The following PDE4B variants were observed in gnomAD, a reference collection of about 807,000 sequenced individuals.
PDE4B encodes phosphodiesterase 4B.
A neutral mutation model predicts 82.2 loss-of-function variants in PDE4B; 20 were observed. The observed-to-expected ratio is 0.24, with a 90% CI of 0.17 to 0.35. The LOEUF is 0.35. Among genes scored for constraint, PDE4B ranks in the 10% least tolerant of loss-of-function variants. The probability of loss-of-function intolerance (pLI) is 1.00; values close to 1 mark genes in which losing one functional copy is unlikely to be tolerated. For missense variants in PDE4B, 655 were observed against 907.2 expected (o/e 0.72, Z 3.57); for synonymous variants, 320 against 318.9 (o/e 1.00, Z -0.04).
intron 3 of PDE4B, among the ~76,000 whole-genome samples, chr1:66,165,567 A>G (rs1417643898): frequency 6.6e-6 from 1 of 152,216 alleles, no homozygotes; most frequent in Non-Finnish European, 1.5e-5. Flanking sequence ...TATAAGATCA[A>G]TACATACAAA....
intron 3 of PDE4B, among the ~76,000 whole-genome samples, chr1:66,227,881 G>T (rs1651581491): frequency 6.6e-6 from 1 of 152,118 alleles, no homozygotes; most frequent in Non-Finnish European, 1.5e-5. Flanking sequence ...CCTCATCTTA[G>T]TTGAGGACAT....
intron 1 of PDE4B, among the ~76,000 whole-genome samples, chr1:65,911,697 C>T (rs996036203): frequency 2.0e-5 from 3 of 152,112 alleles, no homozygotes; most frequent in African/African-American, 7.2e-5. Context: ...TAGTTCTAAT[C>T]ATTCTTTGGT....
chr1:65,937,409 G>T (rs2310754), intron 3 of PDE4B, among the ~76,000 whole-genome samples: 1 of 151,966 alleles, frequency 6.6e-6, no homozygotes, highest in African/African-American at 2.4e-5. Context: ...GTTGACAGTC[G>T]CATGAGGCTT....
Position 66,102,116 on chromosome 1 carries a change from C to T in PDE4B, c.282-145344C>T, listed in dbSNP as rs550382246. Among the ~76,000 whole-genome samples the T allele has an allele frequency of 5.3e-4, 80 of 152,172 alleles. 1 individual carries two copies. In the South Asian group the frequency reaches 0.016, roughly 31 times the overall value. ...TCCTTTCCCCATTTCTTGTTTTTGT[C>T]ATGTTTGCCAAAGACCAGTTGTTTG... On this transcript the variant is annotated intron_variant, in intron 3 of 16. Transcript: ENST00000341517.
intron 1 of PDE4B, among the ~76,000 whole-genome samples, chr1:65,904,023 G>T (rs1327855539): frequency 6.6e-6 from 1 of 152,146 alleles, no homozygotes; most frequent in Non-Finnish European, 1.5e-5. Context: ...TTCTGAGAAA[G>T]GAATGCACAG....
intron 3 of PDE4B, among the ~76,000 whole-genome samples, chr1:66,028,321 G>C (rs61796571): frequency 0.21 from 32,528 of 152,008 alleles, 4,034 homozygotes; most frequent in Middle Eastern, 0.37. Context: ...TGGGACACAG[G>C]GCACCAAGTA....
chr1:65,859,056 A>G (rs1238707450), intron 1 of PDE4B, among the ~76,000 whole-genome samples: 2 of 152,136 alleles, frequency 1.3e-5, no homozygotes, highest in African/African-American at 4.8e-5. Flanking sequence ...TCACCTTCAG[A>G]TATTTGTGTG....
At chr1:66,029,164 A>T (rs930823937) in intron 3 of PDE4B, among the ~76,000 whole-genome samples, 12 of 152,212 alleles carry the variant, frequency 7.9e-5, no homozygotes, top group African/African-American at 2.9e-4. Context: ...GGTGAAAGGC[A>T]CTTCTTACAT....
At chr1:65,993,243 A>C in intron 3 of PDE4B, 1 of 829,016 alleles carries the variant, frequency 1.2e-6, no homozygotes, top group South Asian at 1.8e-5. Flanking sequence ...TTTTGTTCCT[A>C]AAACATACTG....
chr1:65,889,782 A>T (rs1254569993), intron 1 of PDE4B, among the ~76,000 whole-genome samples: 1 of 152,130 alleles, frequency 6.6e-6, no homozygotes, highest in Non-Finnish European at 1.5e-5. Flanking sequence ...TTTGCTAACA[A>T]GCTTCCTTTG....
chr1:66,371,533 C>T (rs1474613760), intron 16 of PDE4B, among the ~76,000 whole-genome samples: 1 of 152,178 alleles, frequency 6.6e-6, no homozygotes. Flanking sequence ...ATCACAGGAA[C>T]ATCAGCAAAA....
chr1:65,900,122 G>C (rs1459713882), intron 1 of PDE4B, among the ~76,000 whole-genome samples: 1 of 152,062 alleles, frequency 6.6e-6, no homozygotes. Flanking sequence ...AATCAACCTT[G>C]AGAAAATTTT....
At position 65,929,662 on chromosome 1, in the gene PDE4B, T is replaced by C. The variant is rs983684320; in HGVS notation, c.281+10827T>C. 6.6e-5 allele frequency among the ~76,000 whole-genome samples: 10 copies of C among 152,322 alleles called. No homozygotes were observed. In the East Asian group the frequency reaches 1.9e-3, roughly 29 times the overall value. ...TTTATCATTTTCTTTCATCACTTTG[T>C]CCACTGAACTTAGGCGCAACCAATC... On this transcript the variant is annotated intron_variant, in intron 3 of 16. Transcript: ENST00000341517.
chr1:66,274,028 CTT>C (rs1353095797), intron 7 of PDE4B, among the ~76,000 whole-genome samples: 23 of 152,336 alleles, frequency 1.5e-4, no homozygotes, highest in African/African-American at 5.5e-4. Flanking sequence ...ATATTGTTCT[CTT>C]AGTGCCTGGC....
intron 1 of PDE4B, among the ~76,000 whole-genome samples, chr1:65,825,390 C>T (rs750889714): frequency 6.6e-6 from 1 of 152,176 alleles, no homozygotes; most frequent in African/African-American, 2.4e-5. Flanking sequence ...GGAATGAACC[C>T]TGGAAATACT....
intron 3 of PDE4B, among the ~76,000 whole-genome samples, chr1:65,936,001 T>C (rs1298140934): frequency 6.6e-6 from 1 of 152,156 alleles, no homozygotes; most frequent in Non-Finnish European, 1.5e-5. Context: ...TGCATAAAGA[T>C]ATTTGTTATA....
chr1:65,952,791 A>C (rs114963353), intron 3 of PDE4B, among the ~76,000 whole-genome samples: 180 of 152,306 alleles, frequency 1.2e-3, no homozygotes, highest in African/African-American at 4.0e-3. Flanking sequence ...AAGGCTCTGC[A>C]TCTGTTAAAT....
chr1:66,245,366 T>C (rs1653225264), intron 3 of PDE4B, among the ~76,000 whole-genome samples: 1 of 152,196 alleles, frequency 6.6e-6, no homozygotes, highest in African/African-American at 2.4e-5. Flanking sequence ...CCATTAAGTT[T>C]TGTGTAATCC....
At chr1:65,867,424 A>G (rs1469556556) in intron 1 of PDE4B, among the ~76,000 whole-genome samples, 1 of 152,200 alleles carries the variant, frequency 6.6e-6, no homozygotes, top group Non-Finnish European at 1.5e-5. Context: ...TTTGGAATGT[A>G]TTTCCTTCTT....
Sources: gnomAD v4.1 joint callset for allele counts (sites outside exome capture counted in the v4.1 genomes callset) on GRCh38, gnomAD v4.1.1 for gene constraint, MANE v1.5 for transcripts, NCBI Gene and HGNC (gene_info 2026-07-23, HGNC 2026-07-21) for gene names.